LHFPL4: variants seen among roughly 807,000 people sequenced by gnomAD.
LHFPL4 encodes the protein LHFPL tetraspan subfamily member 4, also known as LHFPL tetraspan subfamily member 4 protein.
Under a neutral mutation model 20.0 loss-of-function variants are expected in LHFPL4, and 6 were observed. That is an observed-to-expected ratio of 0.30 (90% CI 0.16 to 0.59). The LOEUF is 0.59. LHFPL4 is among the 20% of genes least tolerant of loss of function. The pLI, the probability that LHFPL4 is intolerant of heterozygous loss-of-function variation, is 0.88. For missense variants in LHFPL4, 215 were observed against 331.2 expected, an observed-to-expected ratio of 0.65 and a Z score of 2.72; for synonymous variants, 129 against 143.8, an observed-to-expected ratio of 0.90 and a Z score of 0.74.
chr3:9,535,472 A>G (rs910623302), intron 2 of LHFPL4, among the ~76,000 whole-genome samples: 3 of 152,188 alleles, frequency 2.0e-5, no homozygotes, highest in African/African-American at 7.2e-5. Flanking sequence ...AGTATAGACT[A>G]TGCAGTGAAG....
intron 2 of LHFPL4, among the ~76,000 whole-genome samples, chr3:9,508,365 C>T (rs2648423): frequency 9.9e-5 from 15 of 151,994 alleles, no homozygotes; most frequent in African/African-American, 3.6e-4. Context: ...TGCTCCTCCT[C>T]CAAGTCAATT....
intron 2 of LHFPL4, among the ~76,000 whole-genome samples, chr3:9,535,164 G>C (rs142150922): frequency 6.6e-5 from 10 of 152,196 alleles, no homozygotes; most frequent in African/African-American, 2.4e-4. Context: ...GTCTCAAAAG[G>C]CTTTTAAAAA....
At chr3:9,503,048 C>T (rs545562813) in intron 3 of LHFPL4, among the ~76,000 whole-genome samples, 16 of 151,992 alleles carry the variant, frequency 1.1e-4, no homozygotes, top group Admixed American at 2.0e-4. Context: ...TTACATCGCC[C>T]AGACTGGTCT....
At chr3:9,542,859 T>C (rs1261267482) in intron 2 of LHFPL4, among the ~76,000 whole-genome samples, 1 of 149,380 alleles carries the variant, frequency 6.7e-6, no homozygotes, top group African/African-American at 2.5e-5. Flanking sequence ...TTATATGAAG[T>C]GTCTAGAATA....
chr3:9,505,444 T>TTTTTTTTG (rs1024415452), intron 3 of LHFPL4, among the ~76,000 whole-genome samples: 9 of 151,482 alleles, frequency 5.9e-5, no homozygotes, highest in African/African-American at 9.7e-5. Context: ...TAGTTTTTGT[T>TTTTTTTTG]TTTTTTTGTT....
At chr3:9,517,802 T>C (rs1240123565) in intron 2 of LHFPL4, among the ~76,000 whole-genome samples, 1 of 69,396 alleles carries the variant, frequency 1.4e-5, no homozygotes, top group East Asian at 2.3e-4. Flanking sequence ...GGTTTTTTTG[T>C]TTTTTGTTTT....
At chr3:9,510,567 A>T (rs2046251277) in intron 2 of LHFPL4, among the ~76,000 whole-genome samples, 1 of 152,124 alleles carries the variant, frequency 6.6e-6, no homozygotes, top group Non-Finnish European at 1.5e-5. Context: ...TCTCTGCTCC[A>T]AGCAGCCAGG....
At chr3:9,522,701 C>G (rs1426489185) in intron 2 of LHFPL4, among the ~76,000 whole-genome samples, 2 of 149,656 alleles carry the variant, frequency 1.3e-5, no homozygotes, top group African/African-American at 4.9e-5. Context: ...CGAGATTGTG[C>G]CATTGCACTC....
intron 2 of LHFPL4, among the ~76,000 whole-genome samples, chr3:9,516,078 T>C (rs2046299149): frequency 6.6e-6 from 1 of 152,218 alleles, no homozygotes; most frequent in Non-Finnish European, 1.5e-5. Context: ...CTCTTGACTG[T>C]GTCTCTGACA....
chr3:9,523,400 AAAAAAGAAAAAG>A (rs1256851629), intron 2 of LHFPL4, among the ~76,000 whole-genome samples: 2 of 112,318 alleles, frequency 1.8e-5, no homozygotes, highest in Non-Finnish European at 4.2e-5. Flanking sequence ...AAAAGAAAAA[AAAAAAGAAAAAG>A]AAAAAGAAAA....
chr3:9,506,320 G>A lies in LHFPL4; in HGVS notation c.407-117C>T, dbSNP rs17815563. The A allele has an allele frequency of 0.14, 103,244 of 746,236 alleles. 7,977 individuals carry two copies. Among genetic ancestry groups the A allele is most frequent in the Non-Finnish European group, 0.16 (68,629 of 431,038 alleles). 46.2% of individuals were successfully genotyped at this position (746,236 alleles called of 1,614,324 possible). A position where few individuals can be genotyped will look rare whatever the true frequency, so the allele number is the denominator to read the frequency against. Reference sequence around the variant, plus strand: ...ATTGAGGGCACATCAACCCAACCACGTGCTTGTTACCCACTTCCACAGAGG... The same window carrying A: ...ATTGAGGGCACATCAACCCAACCACATGCTTGTTACCCACTTCCACAGAGG... On this transcript the variant is annotated intron_variant, in intron 2 of 3. Coordinates refer to ENST00000287585, the MANE Select transcript of LHFPL4 (RefSeq NM_198560.3). This position sits in a 1 kb window ranked among gnomAD's most constrained non-coding sequence, Gnocchi z 4.5.
chr3:9,530,244 G>C (rs989637210), intron 2 of LHFPL4, among the ~76,000 whole-genome samples: 7 of 151,998 alleles, frequency 4.6e-5, no homozygotes, highest in African/African-American at 1.2e-4. Context: ...TCCAACAGAA[G>C]GCTGTTTCAT....
chr3:9,512,210 C>T (rs980910552), intron 2 of LHFPL4, among the ~76,000 whole-genome samples: 2 of 152,278 alleles, frequency 1.3e-5, no homozygotes, highest in African/African-American at 2.4e-5. Context: ...GGATTACAGG[C>T]GTGAGCCACC....
chr3:9,505,834 TAGGCGTGAG>T, intron 3 of LHFPL4, 124 bp downstream of exon 3: 1 of 843,800 alleles, frequency 1.2e-6, no homozygotes, highest in Non-Finnish European at 1.9e-6. Flanking sequence ...GCTGGGATTA[TAGGCGTGAG>T]CCACCACGCC....
chr3:9,530,908 A>G (rs1295063471), intron 2 of LHFPL4, among the ~76,000 whole-genome samples: 1 of 152,038 alleles, frequency 6.6e-6, no homozygotes, highest in Non-Finnish European at 1.5e-5. Context: ...CCACATTTCA[A>G]TCTTTTGATT....
intron 2 of LHFPL4, among the ~76,000 whole-genome samples, chr3:9,509,627 A>G (rs926893206): frequency 6.6e-6 from 1 of 152,192 alleles, no homozygotes; most frequent in Non-Finnish European, 1.5e-5. Context: ...AGCAGCTGCC[A>G]CCCACAATAA....
chr3:9,529,361 G>A (rs542310467), intron 2 of LHFPL4, among the ~76,000 whole-genome samples: 32 of 152,116 alleles, frequency 2.1e-4, no homozygotes, highest in Non-Finnish European at 3.7e-4. Flanking sequence ...CATATCTAGA[G>A]TGGTAAATTC....
intron 2 of LHFPL4, among the ~76,000 whole-genome samples, chr3:9,529,782 G>T (rs2046397810): frequency 6.6e-6 from 1 of 152,024 alleles, no homozygotes; most frequent in South Asian, 2.1e-4. Flanking sequence ...ACAGGCGCCT[G>T]CCACCACACC....
At position 9,528,843 on chromosome 3, in the gene LHFPL4, G is replaced by A. The variant is rs150497231; in HGVS notation, c.407-22640C>T. On this transcript the variant is annotated intron_variant, in intron 2 of 3. Coordinates refer to ENST00000287585, the MANE Select transcript of LHFPL4 (RefSeq NM_198560.3). ...TTAGCCAGGCTCGTCTTGAACTCCT[G>A]ACCTCAGGTGATCTGCTCACCTTGA... is the stretch of plus-strand genomic sequence containing the variant. 1.9e-3 allele frequency among the ~76,000 whole-genome samples: 283 copies of A among 151,808 alleles called. 1 individual carries two copies. Among genetic ancestry groups the A allele is most frequent in the East Asian group, 4.7e-3 (24 of 5,110 alleles).
Sources: gnomAD v4.1 joint callset for allele counts (sites outside exome capture counted in the v4.1 genomes callset) on GRCh38, gnomAD v4.1.1 for gene constraint, Gnocchi (gnomAD v3.1) non-coding constraint, MANE v1.5 for transcripts, NCBI Gene and HGNC (gene_info 2026-07-23, HGNC 2026-07-21) for gene names.